Variants in PXDN observed in about 807,000 individuals in gnomAD.
PXDN encodes peroxidasin homolog.
PXDN carries 77 observed loss-of-function variants against 140.3 expected under a neutral mutation model. The ratio of observed to expected loss-of-function variants is 0.55; its 90% CI spans 0.46 to 0.66. The LOEUF (loss-of-function observed/expected upper bound fraction) is 0.66. Ranked by LOEUF, PXDN falls within the 30% of genes least tolerant of loss-of-function variation. The probability of loss-of-function intolerance (pLI) is 0.00; values close to 1 mark genes in which losing one functional copy is unlikely to be tolerated. For synonymous variants in PXDN, 911 were observed against 857.4 expected (o/e 1.06, Z -1.09); for missense variants, 1,838 against 2,039.5 (o/e 0.90, Z 1.90).
At chr2:1,674,546 C>G (rs2125435037) in intron 8 of PXDN, among the ~76,000 whole-genome samples, 1 of 152,320 alleles carries the variant, frequency 6.6e-6, no homozygotes, top group South Asian at 2.1e-4. Flanking sequence ...CTGCATCACA[C>G]ACACTTCGGG....
intron 14 of PXDN, among the ~76,000 whole-genome samples, chr2:1,654,871 C>T (rs1245534405): frequency 6.6e-6 from 1 of 152,092 alleles, no homozygotes; most frequent in African/African-American, 2.4e-5. Context: ...CCTCAGTGTC[C>T]AGCAGATCTC....
At chr2:1,677,680 G>A (rs567092204) in intron 7 of PXDN, among the ~76,000 whole-genome samples, 51 of 152,244 alleles carry the variant, frequency 3.3e-4, no homozygotes, top group Admixed American at 7.2e-4. Flanking sequence ...CCAGGCTCCC[G>A]TCCCTGGTGG....
Position 1,639,305 on chromosome 2 carries a change from G to C in PXDN, c.4070C>G (p.Pro1357Arg), listed in dbSNP as rs1486792233. Residue 1357 changes from proline to arginine, a missense_variant, in exon 20 of 23, where the codon CCC becomes CGC. By Grantham distance (103) the Pro-to-Arg change is moderately radical (BLOSUM62 -2). This residue lies in a region of PXDN where 850 missense variants were observed against 894.1 expected (regional missense o/e 0.95). Coordinates refer to ENST00000252804, the MANE Select transcript of PXDN (RefSeq NM_012293.3). This position sits in a 1 kb window ranked among gnomAD's most constrained non-coding sequence, Gnocchi z 5.0. ...PTKKTRPRKI[P>R]SVGRQGEHLS... ...TTGACCTCAGAGACCACCATACCTG[G>C]GTATTTTCCGTGGTCTTGTTTTCTT... The C allele has an allele frequency of 2.5e-6, 4 of 1,612,522 alleles. No individual in the cohort carries two copies. The Admixed American group carries it at 6.7e-5, about 27-fold the overall frequency.
intron 1 of PXDN, among the ~76,000 whole-genome samples, chr2:1,710,761 A>G (rs1164292312): frequency 3.7e-4 from 12 of 32,108 alleles, no homozygotes; most frequent in East Asian, 1.3e-3. Flanking sequence ...ACCAGCACCC[A>G]CTCCACCAGC....
At chr2:1,646,323 G>A (rs1035959860) in intron 17 of PXDN, among the ~76,000 whole-genome samples, 1 of 152,194 alleles carries the variant, frequency 6.6e-6, no homozygotes, top group African/African-American at 2.4e-5. Context: ...CCTGGCGCTG[G>A]GCTCCACATC....
At chr2:1,681,349 C>T (rs1683900080) in intron 6 of PXDN, among the ~76,000 whole-genome samples, 1 of 151,798 alleles carries the variant, frequency 6.6e-6, no homozygotes, top group African/African-American at 2.4e-5. Flanking sequence ...CCATTTTTCT[C>T]ACTCTTCAAA....
chr2:1,653,848 G>A (rs1683069836), intron 15 of PXDN, 63 bp from the exon 16 acceptor site: 7 of 1,436,394 alleles, frequency 4.9e-6, no homozygotes, highest in South Asian at 2.7e-5. Flanking sequence ...AAAATTCATA[G>A]TACCCCAAAA....
intron 16 of PXDN, among the ~76,000 whole-genome samples, chr2:1,650,073 C>T (rs1014808121): frequency 1.3e-5 from 2 of 152,168 alleles, no homozygotes; most frequent in African/African-American, 4.8e-5. Flanking sequence ...AGTCACCACA[C>T]CTCCACACGA....
chr2:1,739,835 C>T (rs969588865), intron 1 of PXDN, among the ~76,000 whole-genome samples: 6 of 152,192 alleles, frequency 3.9e-5, no homozygotes, highest in African/African-American at 1.4e-4. Context: ...AAATTATCAA[C>T]ATCTAAATGT....
At position 1,666,472 on chromosome 2, in the gene PXDN, C is replaced by T. The variant is rs947887084; in HGVS notation, c.1033G>A (p.Val345Ile). 1 of 1,593,314 alleles carries T rather than the reference C, an allele frequency of 6.3e-7. No homozygotes were observed. Among genetic ancestry groups the T allele is most frequent in the African/African-American group, 1.3e-5 (1 of 74,576 alleles). The change falls in exon 10 of 23, where the codon GTA (valine) becomes ATA (isoleucine). Residue 345 changes from valine (V) to isoleucine (I), a missense_variant. Transcript: ENST00000252804. ...ACCTCTGTATTCTGTGGCTGGATTACAAAAGTGGGTCGAGCTGTCACAATT... is the reference window on the plus strand; with the variant it reads ...ACCTCTGTATTCTGTGGCTGGATTATAAAAGTGGGTCGAGCTGTCACAATT... ...YFGSPARPTF[V>I]IQPQNTEVLV...
At chr2:1,701,499 T>C (rs1001362456) in intron 1 of PXDN, among the ~76,000 whole-genome samples, 4 of 152,008 alleles carry the variant, frequency 2.6e-5, no homozygotes, top group South Asian at 2.1e-4. Flanking sequence ...AGGGTGTATT[T>C]TGGAGGAAGA....
intron 1 of PXDN, among the ~76,000 whole-genome samples, chr2:1,724,570 C>T (rs994181853): frequency 2.6e-5 from 4 of 152,060 alleles, no homozygotes; most frequent in East Asian, 1.9e-4. Flanking sequence ...TGCTTCAAGA[C>T]GGCACCACTC....
chr2:1,680,194 A>T lies in PXDN; in HGVS notation c.729T>A (p.Cys243Ter). Residue 243 changes from cysteine (C) to a stop codon, truncating the protein, a stop_gained and splice_region_variant, in exon 7 of 23, where the codon TGT becomes TGA. Coordinates refer to ENST00000252804, the MANE Select transcript of PXDN (RefSeq NM_012293.3). LOFTEE classifies it high-confidence loss of function. ...VATITPEELN[C>*]ERPRITSEPQ... Reference sequence around the variant, plus strand: ...GTGTGTGCGTGTCGGGCCACTCACCACAGTTCAGCTCTTCCGGGGTGATGG... The same window carrying T: ...GTGTGTGCGTGTCGGGCCACTCACCTCAGTTCAGCTCTTCCGGGGTGATGG... 1.3e-6 allele frequency: 2 copies of T among 1,564,028 alleles called. No individual in the cohort carries two copies. Among genetic ancestry groups the T allele is most frequent in the Non-Finnish European group, 1.7e-6 (2 of 1,153,908 alleles).
chr2:1,673,721 T>C lies in PXDN; in HGVS notation c.940A>G (p.Ile314Val), dbSNP rs773328772. 1 of 1,614,044 alleles carries C rather than the reference T, an allele frequency of 6.2e-7. No individual in the cohort carries two copies. The highest frequency in any genetic ancestry group is 1.7e-5 in the Admixed American group (1 of 60,024). The change falls in exon 9 of 23, where the codon ATC (isoleucine) becomes GTC (valine). Residue 314 changes from isoleucine to valine, a missense_variant. Coordinates refer to ENST00000252804, the MANE Select transcript of PXDN (RefSeq NM_012293.3). Reference protein sequence around the residue: ...IQNTQETDQGIYQCMAKNVAG... With the variant: ...IQNTQETDQGVYQCMAKNVAG... ...ACGTTCTTTGCCATGCACTGGTAGATACCCTGGTCTGTCTCCTGTGTGTTC... is the reference window on the plus strand; with the variant it reads ...ACGTTCTTTGCCATGCACTGGTAGACACCCTGGTCTGTCTCCTGTGTGTTC...
chr2:1,658,219 T>C (rs1258732704), intron 14 of PXDN, among the ~76,000 whole-genome samples: 3 of 151,870 alleles, frequency 2.0e-5, no homozygotes, highest in African/African-American at 7.3e-5. Context: ...CATCTCCCTG[T>C]GTGGTTCCAC....
chr2:1,648,615 G>A lies in PXDN; in HGVS notation c.3165C>T (p.Pro1055=), dbSNP rs75454260. 889 of 1,612,856 alleles carry A rather than the reference G, an allele frequency of 5.5e-4. 6 individuals are homozygous for A. The East Asian group carries it at 0.015, about 27-fold the overall frequency. Residue 1055 remains proline (P), a synonymous_variant, in exon 17 of 23, where the codon CCC becomes CCT. Coordinates refer to ENST00000252804, the MANE Select transcript of PXDN (RefSeq NM_012293.3). This position sits in a 1 kb window ranked among gnomAD's most constrained non-coding sequence, Gnocchi z 8.9. The part of the protein sequence containing the change: ...RTLGEYHGYD[P]GINAGIFNAF... ...CGTTGAAGATGCCAGCATTGATGCC[G>A]GGGTCGTAGCCGTGGTACTCTCCCA...
intron 7 of PXDN, among the ~76,000 whole-genome samples, chr2:1,679,566 AATGGTGTGTGTGG>A (rs1371552597): frequency 1.6e-5 from 1 of 61,698 alleles, no homozygotes; most frequent in Non-Finnish European, 3.3e-5. Context: ...TGTGTGTGTA[AATGGTGTGTGTGG>A]ATGGTGTGTG....
At chr2:1,674,214 AT>A (rs1158877143) in intron 8 of PXDN, among the ~76,000 whole-genome samples, 1 of 152,150 alleles carries the variant, frequency 6.6e-6, no homozygotes, top group East Asian at 1.9e-4. Context: ...TGTGTATTTT[AT>A]TTTTTTATTT....
intron 1 of PXDN, among the ~76,000 whole-genome samples, chr2:1,710,185 T>C (rs1684718307): frequency 6.6e-6 from 1 of 152,168 alleles, no homozygotes; most frequent in Non-Finnish European, 1.5e-5. Context: ...TTCCTAGAAA[T>C]GGCACTGCTG....
Sources: allele counts gnomAD v4.1 joint callset (sites outside exome capture counted in the v4.1 genomes callset), GRCh38; gene constraint gnomAD v4.1.1; regional missense constraint gnomAD v4.1.1; non-coding constraint Gnocchi (gnomAD v3.1); transcripts MANE v1.5; gene names NCBI Gene and HGNC (gene_info 2026-07-23, HGNC 2026-07-21).